The following SDCCAG8 variants were observed in gnomAD, a reference collection of about 807,000 sequenced individuals.
SDCCAG8 encodes the protein serologically defined colon cancer antigen 8.
A neutral mutation model predicts 101.8 loss-of-function variants in SDCCAG8; 74 were observed. The ratio of observed to expected loss-of-function variants is 0.73; its 90% CI spans 0.60 to 0.88. The LOEUF is 0.88. Among genes scored for constraint, SDCCAG8 ranks in the 40% least tolerant of loss-of-function variants. The pLI, the probability that SDCCAG8 is intolerant of heterozygous loss-of-function variation, is 0.00. For synonymous variants in SDCCAG8, 281 were observed against 292.9 expected (o/e 0.96, Z 0.41); for missense variants, 787 against 822.6 (o/e 0.96, Z 0.53).
chr1:243,497,425 A>G (rs555278086), intron 17 of SDCCAG8, among the ~76,000 whole-genome samples: 18 of 152,154 alleles, frequency 1.2e-4, no homozygotes, highest in African/African-American at 4.3e-4. Context: ...ACCGCAGGAA[A>G]TACAAAGCCC....
chr1:243,315,631 C>T (rs1048245604), intron 8 of SDCCAG8, among the ~76,000 whole-genome samples: 5 of 151,974 alleles, frequency 3.3e-5, no homozygotes, highest in Middle Eastern at 3.2e-3. Context: ...TTTATTTTAC[C>T]TTTAAGAGAT....
At chr1:243,410,643 C>T (rs74150995) in intron 13 of SDCCAG8, among the ~76,000 whole-genome samples, 2,300 of 152,236 alleles carry the variant, frequency 0.015, 51 homozygotes, top group African/African-American at 0.053. Context: ...TTGAGCCTTT[C>T]ATTTTTTCTG....
intron 16 of SDCCAG8, among the ~76,000 whole-genome samples, chr1:243,452,412 CTCTT>C (rs2083435833): frequency 1.0e-5 from 1 of 96,638 alleles, no homozygotes; most frequent in Non-Finnish European, 2.1e-5. Flanking sequence ...ATGATCTCAT[CTCTT>C]TTTTTTTTTT....
chr1:243,431,133 G>A (rs1389532077), intron 16 of SDCCAG8, among the ~76,000 whole-genome samples: 4 of 152,126 alleles, frequency 2.6e-5, no homozygotes, highest in Non-Finnish European at 4.4e-5. Flanking sequence ...GGAGGCGGAG[G>A]TTGCAGTGAG....
At chr1:243,438,938 T>C (rs1434943935) in intron 16 of SDCCAG8, among the ~76,000 whole-genome samples, 1 of 152,246 alleles carries the variant, frequency 6.6e-6, no homozygotes. Context: ...TTTTAAGATA[T>C]GTTAACTAAC....
In SDCCAG8 at chr1:243,267,024, C is replaced by G. The variant is rs113857368; in HGVS notation, c.68-3081C>G. 3.3e-4 allele frequency among the ~76,000 whole-genome samples: 50 copies of G among 151,202 alleles called. No individual in the cohort carries two copies. The South Asian group carries it at 6.5e-3, about 20-fold the overall frequency. Reference sequence around the variant, plus strand: ...CTTTGGGAGGCCGAGGCAGGCGGATCACAAAGTCAGGAGATCGAGACCATC... The same window carrying G: ...CTTTGGGAGGCCGAGGCAGGCGGATGACAAAGTCAGGAGATCGAGACCATC... On this transcript the variant is annotated intron_variant, in intron 1 of 17. Coordinates refer to ENST00000366541, the MANE Select transcript of SDCCAG8 (RefSeq NM_006642.5).
rs767451960 is a variant in SDCCAG8, at chr1:243,416,892, CT to C, written c.1744+1068del. ...TTTATTTTGATTTGTATGCTATATG[CT>C]TTTTGCCAATCATTGGCTAAAATTG... On this transcript the variant is annotated intron_variant, in intron 14 of 17. Coordinates refer to ENST00000366541, the MANE Select transcript of SDCCAG8 (RefSeq NM_006642.5). This position sits in a 1 kb window ranked among gnomAD's most constrained non-coding sequence, Gnocchi z 4.3. Among the ~76,000 whole-genome samples, 18 of 152,096 alleles carry C rather than the reference CT, an allele frequency of 1.2e-4. No individual in the cohort carries two copies. Among genetic ancestry groups the C allele is most frequent in the Non-Finnish European group, 2.5e-4 (17 of 67,996 alleles).
intron 15 of SDCCAG8, among the ~76,000 whole-genome samples, chr1:243,424,062 GTGTTTC>G (rs1237763455): frequency 2.6e-5 from 4 of 152,010 alleles, no homozygotes; most frequent in Non-Finnish European, 5.9e-5. Flanking sequence ...TTGATCATTT[GTGTTTC>G]TTCTGTAGAT....
chr1:243,305,121 A>G (rs1044053075), intron 7 of SDCCAG8: 15 of 236,260 alleles, frequency 6.3e-5, no homozygotes, highest in African/African-American at 2.8e-4. Flanking sequence ...CCTGGCCAAC[A>G]TGGTGAAACC....
chr1:243,440,160 A>G (rs1170129111), intron 16 of SDCCAG8, among the ~76,000 whole-genome samples: 3 of 152,120 alleles, frequency 2.0e-5, no homozygotes, highest in African/African-American at 7.2e-5. Flanking sequence ...TATAGGAGAG[A>G]AAAACGGAAA....
At chr1:243,484,588 C>CATGAGAA (rs1664398130) in intron 16 of SDCCAG8, among the ~76,000 whole-genome samples, 1 of 152,372 alleles carries the variant, frequency 6.6e-6, no homozygotes, top group East Asian at 1.9e-4. Flanking sequence ...CCAGGCTTCT[C>CATGAGAA]ATCTGCAATA....
chr1:243,369,079 A>G (rs1003677838), intron 12 of SDCCAG8, among the ~76,000 whole-genome samples: 4 of 152,110 alleles, frequency 2.6e-5, no homozygotes, highest in African/African-American at 4.8e-5. Context: ...TCATAATTTA[A>G]TGGTCTACAT....
chr1:243,367,406 G>A (rs866782134), intron 12 of SDCCAG8, among the ~76,000 whole-genome samples: 20 of 151,998 alleles, frequency 1.3e-4, no homozygotes, highest in African/African-American at 4.8e-4. Flanking sequence ...AGTGCTTTCA[G>A]AAGGATTAGG....
intron 16 of SDCCAG8, among the ~76,000 whole-genome samples, chr1:243,482,067 A>G (rs1009141724): frequency 6.6e-5 from 10 of 152,234 alleles, no homozygotes. Context: ...ATCACATACA[A>G]CATAAAAAAA....
intron 10 of SDCCAG8, chr1:243,338,995 G>A (rs1292894098): frequency 6.5e-6 from 1 of 154,464 alleles, no homozygotes; most frequent in Non-Finnish European, 1.5e-5. Context: ...TCAGAAAGTG[G>A]GGTGGGCGGC....
chr1:243,427,535 G>A (rs948043669), intron 16 of SDCCAG8, among the ~76,000 whole-genome samples: 9 of 151,960 alleles, frequency 5.9e-5, no homozygotes, highest in South Asian at 2.1e-4. Flanking sequence ...GACACGGTTC[G>A]CGTGGCCTCC....
intron 16 of SDCCAG8, among the ~76,000 whole-genome samples, chr1:243,439,576 GA>G (rs1363002637): frequency 6.7e-6 from 1 of 148,864 alleles, no homozygotes; most frequent in Non-Finnish European, 1.5e-5. Flanking sequence ...AGTGAGCCAA[GA>G]TCACGCCACT....
chr1:243,387,576 G>A (rs1442109504), intron 13 of SDCCAG8, among the ~76,000 whole-genome samples: 4 of 152,134 alleles, frequency 2.6e-5, no homozygotes, highest in Non-Finnish European at 5.9e-5. Context: ...TAGGATTTGT[G>A]TCTTTTTGAA....
At chr1:243,338,137 G>A (rs1322825179) in intron 10 of SDCCAG8, among the ~76,000 whole-genome samples, 2 of 151,990 alleles carry the variant, frequency 1.3e-5, no homozygotes, top group African/African-American at 4.8e-5. Context: ...GCCCAGGCTG[G>A]TCTTGAACTC....
Sources: gnomAD v4.1 joint callset for allele counts (sites outside exome capture counted in the v4.1 genomes callset) on GRCh38, gnomAD v4.1.1 for gene constraint, Gnocchi (gnomAD v3.1) non-coding constraint, MANE v1.5 for transcripts, NCBI Gene and HGNC (gene_info 2026-07-23, HGNC 2026-07-21) for gene names.